The following ZNF638 variants were observed in gnomAD, a reference collection of about 807,000 sequenced individuals.
ZNF638 encodes CTCL tumor antigen se33-1.
ZNF638 carries 46 observed loss-of-function variants against 195.6 expected under a neutral mutation model. The ratio of observed to expected loss-of-function variants is 0.24; its 90% CI spans 0.19 to 0.30. The LOEUF is 0.30. Ranked by LOEUF, ZNF638 falls within the 10% of genes least tolerant of loss-of-function variation. ZNF638 has a pLI of 1.00. For missense variants in ZNF638, 2,440 were observed against 2,325.3 expected (o/e 1.05, Z -1.01); for synonymous variants, 845 against 772.0 (o/e 1.09, Z -1.57).
intron 19 of ZNF638, 189 bp from the exon 20 acceptor site, chr2:71,407,933 G>A: frequency 6.2e-6 from 3 of 485,850 alleles, no homozygotes; most frequent in Non-Finnish European, 1.1e-5. Context: ...TTGATGGACA[G>A]TTGGGTTGCT....
In ZNF638 at chr2:71,433,202, T is replaced by C. The variant is rs776429627; in HGVS notation, c.5790T>C (p.Cys1930=). 7 of 1,614,128 alleles carry C rather than the reference T, an allele frequency of 4.3e-6. No homozygotes were observed. Among genetic ancestry groups the C allele is most frequent in the Non-Finnish European group, 5.9e-6 (7 of 1,179,952 alleles). Residue 1930 remains cysteine, a synonymous_variant, in exon 27 of 28, where the codon TGT becomes TGC. Transcript: ENST00000264447. ...TTGTACCTAAGGCTGGATTCTTCTG[T>C]CCAATTTGTTCCCTCTTCTACTCAG... ...DFLVPKAGFF[C]PICSLFYSGE...
At position 71,398,735 on chromosome 2, in the gene ZNF638, G is replaced by T. The variant is rs137938593; in HGVS notation, c.2463G>T (p.Thr821=). The T allele has an allele frequency of 1.9e-6, 3 of 1,613,268 alleles. No homozygotes were observed. Among genetic ancestry groups the T allele is most frequent in the Non-Finnish European group, 1.7e-6 (2 of 1,179,486 alleles). ...CAAGTTCTGTAAAATCTGTGGTAAC[G>T]GTAGCTGTTAAAGGTAATAAAGCTT... ...KSASSVKSVV[T]VAVKGNKASI... The change falls in exon 12 of 28, where the codon ACG becomes ACT. Residue 821 remains threonine, a synonymous_variant. Coordinates refer to ENST00000264447, the MANE Select transcript of ZNF638 (RefSeq NM_014497.5).
At chr2:71,378,709 T>C (rs2079481118) in intron 8 of ZNF638, among the ~76,000 whole-genome samples, 1 of 152,228 alleles carries the variant, frequency 6.6e-6, no homozygotes, top group South Asian at 2.1e-4. Context: ...AATGAAGAGC[T>C]GTGCAACTTT....
intron 3 of ZNF638, 30 bp from the exon 4 acceptor site, chr2:71,363,123 G>A: frequency 6.5e-7 from 1 of 1,545,588 alleles, no homozygotes; most frequent in South Asian, 1.2e-5. Flanking sequence ...GATTTTAGCT[G>A]TTAGTTAATA....
chr2:71,337,544 C>T (rs542047067), intron 1 of ZNF638, among the ~76,000 whole-genome samples: 1 of 150,078 alleles, frequency 6.7e-6, no homozygotes, highest in Non-Finnish European at 1.5e-5. Flanking sequence ...GGAGTACTGG[C>T]TCAGGCGCGC....
chr2:71,433,860 A>G (rs1458321151), intron 27 of ZNF638, among the ~76,000 whole-genome samples: 2 of 152,156 alleles, frequency 1.3e-5, no homozygotes, highest in East Asian at 3.9e-4. Context: ...TAATCTCCTC[A>G]TGAACTTCAT....
intron 11 of ZNF638, among the ~76,000 whole-genome samples, chr2:71,398,012 T>C (rs1282324454): frequency 6.6e-6 from 1 of 152,216 alleles, no homozygotes; most frequent in Admixed American, 6.5e-5. Context: ...GATCTAGGTT[T>C]AACTGCTTTT....
intron 1 of ZNF638, chr2:71,332,859 T>G (rs2078597067): frequency 6.6e-6 from 1 of 152,156 alleles, no homozygotes; most frequent in Non-Finnish European, 1.5e-5. Flanking sequence ...CCAGAAATTG[T>G]AGTAGTTTAA....
At chr2:71,410,807 G>A (rs2080198842) in intron 20 of ZNF638, among the ~76,000 whole-genome samples, 1 of 152,020 alleles carries the variant, frequency 6.6e-6, no homozygotes, top group Non-Finnish European at 1.5e-5. Context: ...ATTTCAAGGG[G>A]AGATTTTTAG....
At chr2:71,417,867 T>C (rs769414867) in intron 20 of ZNF638, among the ~76,000 whole-genome samples, 13 of 152,198 alleles carry the variant, frequency 8.5e-5, no homozygotes, top group Non-Finnish European at 1.5e-4. Flanking sequence ...TCTAGACACA[T>C]TGAATTTCCT....
intron 6 of ZNF638, among the ~76,000 whole-genome samples, 197 bp downstream of exon 6, chr2:71,365,903 GA>G (rs958010927): frequency 4.6e-5 from 7 of 152,120 alleles, no homozygotes; most frequent in Non-Finnish European, 1.0e-4. Flanking sequence ...AATTTTTGTA[GA>G]GATGGGGTCT....
chr2:71,407,290 G>A (rs2080125189), intron 19 of ZNF638: 1 of 152,122 alleles, frequency 6.6e-6, no homozygotes, highest in Non-Finnish European at 1.5e-5. Context: ...TAGAATGGAA[G>A]GTGGGGCACA....
chr2:71,406,323 T>G, intron 19 of ZNF638, 61 bp downstream of exon 19: 1 of 1,479,988 alleles, frequency 6.8e-7, no homozygotes, highest in Non-Finnish European at 9.3e-7. Flanking sequence ...TAACCCTGTA[T>G]TCTGACAATC....
Position 71,368,404 on chromosome 2 carries a change from A to T in ZNF638, c.2018A>T (p.His673Leu), listed in dbSNP as rs778604621. ...TAGCTTCGGAAAGAACAGTCATTGCATTATGGTTCGGTTCTTCTTATAACT... is the reference window on the plus strand; with the variant it reads ...TAGCTTCGGAAAGAACAGTCATTGCTTTATGGTTCGGTTCTTCTTATAACT... ...QRKLRKEQSL[H>L]YGSVLLITEL... The change falls in exon 7 of 28, where the codon CAT (histidine) becomes CTT (leucine). Residue 673 changes from histidine to leucine, a missense_variant. By Grantham distance (99) the His-to-Leu change is moderately conservative. This residue lies in a region of ZNF638 where 1,883 missense variants were observed against 1,739.1 expected (regional missense o/e 1.08). Transcript: ENST00000264447. 3.1e-6 allele frequency: 5 copies of T among 1,612,576 alleles called. No homozygotes were observed. Among genetic ancestry groups the T allele is most frequent in the African/African-American group, 2.7e-5 (2 of 74,982 alleles).
At chr2:71,393,575 C>T (rs1215856319) in intron 10 of ZNF638, 1 of 718,050 alleles carries the variant, frequency 1.4e-6, no homozygotes, top group South Asian at 1.5e-5. Flanking sequence ...ACTTACAAGG[C>T]TGAGCAAATC....
intron 21 of ZNF638, among the ~76,000 whole-genome samples, chr2:71,421,365 T>A (rs2419078): frequency 0.11 from 15,535 of 139,796 alleles, 895 homozygotes; most frequent in African/African-American, 0.16. Context: ...GTGATTATTT[T>A]AAAAAAAAAA....
chr2:71,374,548 A>T (rs951474158), intron 8 of ZNF638, among the ~76,000 whole-genome samples: 3 of 152,052 alleles, frequency 2.0e-5, no homozygotes, highest in Admixed American at 1.3e-4. Context: ...AAGTTCTCTT[A>T]AAAAAAACTT....
intron 19 of ZNF638, among the ~76,000 whole-genome samples, chr2:71,406,915 G>A (rs1195698022): frequency 6.6e-6 from 1 of 152,132 alleles, no homozygotes; most frequent in Non-Finnish European, 1.5e-5. Flanking sequence ...CAGGAGGATG[G>A]TTTGAGCCCA....
At chr2:71,425,587 C>A (rs2080522956) in intron 23 of ZNF638, among the ~76,000 whole-genome samples, 1 of 152,052 alleles carries the variant, frequency 6.6e-6, no homozygotes, top group African/African-American at 2.4e-5. Context: ...CTGTTGTTTT[C>A]AAATACAGTT....
Sources: allele counts gnomAD v4.1 joint callset (sites outside exome capture counted in the v4.1 genomes callset), GRCh38; gene constraint gnomAD v4.1.1; regional missense constraint gnomAD v4.1.1; transcripts MANE v1.5; gene names NCBI Gene and HGNC (gene_info 2026-07-23, HGNC 2026-07-21).